GLDN: variants seen among roughly 807,000 people sequenced by gnomAD.
GLDN encodes the protein collomin.
Under a neutral mutation model 56.5 loss-of-function variants are expected in GLDN, and 47 were observed. The ratio of observed to expected loss-of-function variants is 0.83; its 90% CI spans 0.66 to 1.06. GLDN has a LOEUF of 1.06. Among genes scored for constraint, GLDN ranks in the 50% least tolerant of loss-of-function variants. GLDN has a pLI of 0.00. For synonymous variants in GLDN, 332 were observed against 278.8 expected (o/e 1.19, Z -1.90); for missense variants, 782 against 714.3 (o/e 1.09, Z -1.08).
chr15:51,367,717 G>T (rs1001750979), intron 1 of GLDN, among the ~76,000 whole-genome samples: 7 of 152,182 alleles, frequency 4.6e-5, no homozygotes, highest in African/African-American at 1.7e-4. Context: ...TTTCCCCATT[G>T]CATTGCATTT....
chr15:51,351,087 C>A (rs866005043), intron 1 of GLDN: 1 of 264,116 alleles, frequency 3.8e-6, no homozygotes, highest in Non-Finnish European at 7.6e-6. Flanking sequence ...CATAATAAAA[C>A]AAAAGATGAC....
Position 51,400,292 on chromosome 15 carries a change from T to C in GLDN, c.901+17T>C, listed in dbSNP as rs376540648. Reference sequence around the variant, plus strand: ...CACAAGCAGGTATAGAAACAAAGCGTCCTGTCTTGAAATTCAGAAATTGAA... The same window carrying C: ...CACAAGCAGGTATAGAAACAAAGCGCCCTGTCTTGAAATTCAGAAATTGAA... On this transcript the variant is annotated intron_variant, in intron 7 of 9. Coordinates refer to ENST00000335449, the MANE Select transcript of GLDN (RefSeq NM_181789.4). The C allele has an allele frequency of 1.2e-6, 2 of 1,614,124 alleles. No individual in the cohort carries two copies. The highest frequency in any genetic ancestry group is 1.7e-6 in the Non-Finnish European group (2 of 1,179,958).
chr15:51,346,490 C>T (rs1286283763), intron 1 of GLDN, among the ~76,000 whole-genome samples: 18 of 152,026 alleles, frequency 1.2e-4, no homozygotes, highest in Admixed American at 1.2e-3. Flanking sequence ...AAAGATAAAG[C>T]CTGGAAAAGA....
intron 2 of GLDN, 51 bp downstream of exon 2, chr15:51,377,551 T>C (rs749345314): frequency 6.9e-7 from 1 of 1,446,556 alleles, no homozygotes; most frequent in Non-Finnish European, 9.6e-7. Flanking sequence ...CTTGTGCCGC[T>C]GAAGGCCCGT....
At chr15:51,403,634 G>A (rs1049947297) in intron 9 of GLDN, among the ~76,000 whole-genome samples, 2 of 152,152 alleles carry the variant, frequency 1.3e-5, no homozygotes, top group Non-Finnish European at 1.5e-5. Context: ...AATGTATCCA[G>A]CCACTTACTT....
Position 51,405,099 on chromosome 15 carries a change from A to G in GLDN, c.*345A>G. The stretch of plus-strand genomic sequence containing the variant: ...GCTGCTCTTCTCACAACTTTTATGT[A>G]TCTGCTTCTGTCGTTTAGCTTTTTT... On this transcript the variant is annotated 3_prime_UTR_variant, in exon 10 of 10. Transcript: ENST00000335449. 4.3e-6 allele frequency: 1 copy of G among 230,542 alleles called. No individual in the cohort carries two copies. Among genetic ancestry groups the G allele is most frequent in the Non-Finnish European group, 8.5e-6 (1 of 117,474 alleles). 14.3% of individuals were successfully genotyped at this position (230,542 alleles called of 1,614,324 possible).
chr15:51,383,783 A>T lies in GLDN; in HGVS notation c.434-2A>T. The T allele has an allele frequency of 1.3e-6, 2 of 1,596,712 alleles. No individual in the cohort carries two copies. The highest frequency in any genetic ancestry group is 1.7e-6 in the Non-Finnish European group (2 of 1,172,830). On this transcript the variant is annotated splice_acceptor_variant, in intron 3 of 9. Coordinates refer to ENST00000335449, the MANE Select transcript of GLDN (RefSeq NM_181789.4). LOFTEE classifies it high-confidence loss of function. The stretch of plus-strand genomic sequence containing the variant: ...TGTCCCTGTTTCTGTGTTTTGATGC[A>T]GGACCTCCGGGAGCCGGCGGGTTGC...
intron 1 of GLDN, among the ~76,000 whole-genome samples, chr15:51,368,300 A>G (rs185053789): frequency 3.4e-4 from 52 of 152,300 alleles, no homozygotes; most frequent in Admixed American, 6.5e-4. Context: ...AAGTCAGCGT[A>G]ACAGCGAAAA....
At chr15:51,390,471 G>T (rs1443135692) in intron 4 of GLDN, among the ~76,000 whole-genome samples, 1 of 152,204 alleles carries the variant, frequency 6.6e-6, no homozygotes, top group African/African-American at 2.4e-5. Context: ...AAAGCAAGCA[G>T]TTTCTTTCCT....
chr15:51,381,459 A>G (rs1010618913), intron 2 of GLDN, among the ~76,000 whole-genome samples: 12 of 152,148 alleles, frequency 7.9e-5, no homozygotes, highest in African/African-American at 2.9e-4. Context: ...TACTGACCCT[A>G]GAGAATGTGG....
chr15:51,346,450 A>T (rs542792982), intron 1 of GLDN, among the ~76,000 whole-genome samples: 2 of 152,232 alleles, frequency 1.3e-5, no homozygotes, highest in South Asian at 2.1e-4. Context: ...TTAATAAATG[A>T]TTTTGAGACA....
At chr15:51,396,955 G>A (rs915593752) in intron 5 of GLDN, among the ~76,000 whole-genome samples, 2 of 152,200 alleles carry the variant, frequency 1.3e-5, no homozygotes, top group Non-Finnish European at 2.9e-5. Flanking sequence ...TTACACTTCT[G>A]TTACGTAGGA....
downstream of GLDN, among the ~76,000 whole-genome samples, chr15:51,410,383 G>A (rs1029783673): frequency 2.6e-5 from 4 of 152,294 alleles, no homozygotes; most frequent in African/African-American, 9.6e-5. Context: ...GCAGAGAGCC[G>A]CTTTGCCCAA....
intron 4 of GLDN, among the ~76,000 whole-genome samples, chr15:51,386,602 T>C (rs769009417): frequency 3.9e-5 from 6 of 152,212 alleles, no homozygotes; most frequent in Non-Finnish European, 4.4e-5. Context: ...CTTCTCTAAA[T>C]GCTGCTGTGG....
rs2141143963 is a variant in GLDN, at chr15:51,406,981, T to C, written c.*2227T>C. On this transcript the variant is annotated 3_prime_UTR_variant, in exon 10 of 10. Coordinates refer to ENST00000335449, the MANE Select transcript of GLDN (RefSeq NM_181789.4). ...AATATAGTTTCATAATAATAGTACA[T>C]ACAATACTAATTGTATATAAGGTAG... 6.6e-6 allele frequency: 1 copy of C among 152,320 alleles called. No homozygotes were observed. Among genetic ancestry groups the C allele is most frequent in the African/African-American group, 2.4e-5 (1 of 41,576 alleles). The allele number at this position is 152,320 out of a possible 1,614,324, so 9.4% of individuals were successfully genotyped here.
At chr15:51,350,675 G>C (rs965490291) in intron 1 of GLDN, among the ~76,000 whole-genome samples, 1 of 152,156 alleles carries the variant, frequency 6.6e-6, no homozygotes, top group African/African-American at 2.4e-5. Flanking sequence ...CATGTCGCAG[G>C]CAATGATGGT....
At chr15:51,398,524 T>C (rs1468066825) in intron 6 of GLDN, among the ~76,000 whole-genome samples, 1 of 152,224 alleles carries the variant, frequency 6.6e-6, no homozygotes, top group African/African-American at 2.4e-5. Context: ...CACTGGAATT[T>C]CTCAGCCTTG....
chr15:51,361,755 T>G (rs1211547483), intron 1 of GLDN, among the ~76,000 whole-genome samples: 1 of 152,158 alleles, frequency 6.6e-6, no homozygotes, highest in Non-Finnish European at 1.5e-5. Context: ...GGTAGAAGGT[T>G]GATAAGTGCT....
At chr15:51,370,948 T>C (rs2037503918) in intron 1 of GLDN, among the ~76,000 whole-genome samples, 1 of 152,140 alleles carries the variant, frequency 6.6e-6, no homozygotes, top group Non-Finnish European at 1.5e-5. Context: ...TAAATCAAGT[T>C]GGTGCCACTG....
Sources: gnomAD v4.1 joint callset for allele counts (sites outside exome capture counted in the v4.1 genomes callset) on GRCh38, gnomAD v4.1.1 for gene constraint, MANE v1.5 for transcripts, NCBI Gene and HGNC (gene_info 2026-07-23, HGNC 2026-07-21) for gene names.